CDH18: variants seen among roughly 807,000 people sequenced by gnomAD.
CDH18 encodes cadherin-18.
Under a neutral mutation model 67.9 loss-of-function variants are expected in CDH18, and 31 were observed. The observed-to-expected ratio is 0.46, with a 90% CI of 0.34 to 0.62. The LOEUF is 0.62. Ranked by LOEUF, CDH18 falls within the 20% of genes least tolerant of loss-of-function variation. The pLI is 0.01. For missense variants in CDH18, 890 were observed against 975.5 expected (o/e 0.91, Z 1.17); for synonymous variants, 362 against 347.2 (o/e 1.04, Z -0.48).
At chr5:19,772,770 T>C (rs1490822605) in intron 3 of CDH18, among the ~76,000 whole-genome samples, 1 of 152,182 alleles carries the variant, frequency 6.6e-6, no homozygotes, top group Non-Finnish European at 1.5e-5. Context: ...GAATGTAGAT[T>C]TGAACCACAG....
intron 2 of CDH18, among the ~76,000 whole-genome samples, chr5:19,894,488 T>A (rs979516567): frequency 1.3e-5 from 2 of 152,004 alleles, no homozygotes; most frequent in Non-Finnish European, 2.9e-5. Context: ...AATGTCTGGC[T>A]ACCTAAAAAA....
At chr5:20,208,841 C>T (rs1740123038) in intron 2 of CDH18, among the ~76,000 whole-genome samples, 1 of 151,816 alleles carries the variant, frequency 6.6e-6, no homozygotes, top group African/African-American at 2.4e-5. Context: ...GGACTAATAA[C>T]CAGAATATAT....
chr5:20,297,402 C>T (rs1374197141), intron 1 of CDH18, among the ~76,000 whole-genome samples: 1 of 152,232 alleles, frequency 6.6e-6, no homozygotes, highest in Non-Finnish European at 1.5e-5. Flanking sequence ...GCAAGTCTGA[C>T]ACCAAAGCAT....
At chr5:20,488,864 G>T (rs1052299082) in intron 1 of CDH18, among the ~76,000 whole-genome samples, 4 of 151,834 alleles carry the variant, frequency 2.6e-5, no homozygotes, top group Admixed American at 1.3e-4. Flanking sequence ...CCAACTATAT[G>T]CCAAAATAAT....
intron 1 of CDH18, among the ~76,000 whole-genome samples, chr5:20,555,939 C>A (rs10520867): frequency 6.6e-6 from 1 of 152,054 alleles, no homozygotes; most frequent in East Asian, 1.9e-4. Flanking sequence ...GCTTTTCAAA[C>A]GGTTCTTCCC....
chr5:19,567,610 A>G (rs1314635457), intron 8 of CDH18, among the ~76,000 whole-genome samples: 2 of 152,134 alleles, frequency 1.3e-5, no homozygotes, highest in African/African-American at 4.8e-5. Context: ...ATTTGCACCC[A>G]GAGGCCCATG....
chr5:19,522,928 G>A (rs888634540), intron 9 of CDH18, among the ~76,000 whole-genome samples: 3 of 145,798 alleles, frequency 2.1e-5, no homozygotes, highest in Middle Eastern at 3.6e-3. Context: ...GAGAGTTGCT[G>A]TACCATTTAT....
At chr5:20,430,961 C>G (rs1257718839) in intron 1 of CDH18, among the ~76,000 whole-genome samples, 2 of 152,054 alleles carry the variant, frequency 1.3e-5, no homozygotes, top group Non-Finnish European at 2.9e-5. Flanking sequence ...CAATACATTC[C>G]TGCATCTATT....
rs370325449 is a variant in CDH18, at chr5:19,574,167, C to G, written c.1000-2335G>C. On this transcript the variant is annotated intron_variant, in intron 7 of 12. Transcript: ENST00000382275. Reference sequence around the variant, plus strand: ...TCTGCATCCAAGATGACACACATCTCTTGTTCCATTTCTTAGCAGGTCCCC... The same window carrying G: ...TCTGCATCCAAGATGACACACATCTGTTGTTCCATTTCTTAGCAGGTCCCC... Among the ~76,000 whole-genome samples, 26 of 152,288 alleles carry G rather than the reference C, an allele frequency of 1.7e-4. No homozygotes were observed. The East Asian group carries it at 3.3e-3, about 19-fold the overall frequency.
At chr5:19,877,218 A>G (rs1366964744) in intron 2 of CDH18, among the ~76,000 whole-genome samples, 3 of 147,282 alleles carry the variant, frequency 2.0e-5, no homozygotes, top group African/African-American at 5.1e-5. Flanking sequence ...TTCAAACTGT[A>G]AAAAAAAAAC....
At chr5:20,191,578 G>A (rs926293913) in intron 2 of CDH18, among the ~76,000 whole-genome samples, 3 of 151,840 alleles carry the variant, frequency 2.0e-5, no homozygotes, top group African/African-American at 4.8e-5. Flanking sequence ...TGTTCTCAAC[G>A]TTCAACCCCC....
chr5:20,376,363 C>T (rs1455195206), intron 1 of CDH18, among the ~76,000 whole-genome samples: 3 of 151,440 alleles, frequency 2.0e-5, no homozygotes, highest in Admixed American at 2.0e-4. Context: ...GCTGGGATTA[C>T]AGGCGTGAGC....
At chr5:20,375,210 T>C (rs573463702) in intron 1 of CDH18, among the ~76,000 whole-genome samples, 2 of 152,192 alleles carry the variant, frequency 1.3e-5, no homozygotes, top group Non-Finnish European at 2.9e-5. Context: ...TTTCTTTTAA[T>C]ATGTGCTTTA....
At chr5:20,367,998 C>T (rs1449765515) in intron 1 of CDH18, among the ~76,000 whole-genome samples, 1 of 152,036 alleles carries the variant, frequency 6.6e-6, no homozygotes, top group Non-Finnish European at 1.5e-5. Flanking sequence ...AGGGTGAGGG[C>T]AAAGGTACTT....
intron 8 of CDH18, among the ~76,000 whole-genome samples, chr5:19,556,987 T>C (rs1738560920): frequency 6.6e-6 from 1 of 152,202 alleles, no homozygotes; most frequent in Admixed American, 6.5e-5. Flanking sequence ...ATCATTAACC[T>C]GCTTGAACAA....
intron 3 of CDH18, among the ~76,000 whole-genome samples, chr5:19,752,122 T>A (rs988271825): frequency 6.6e-6 from 1 of 152,014 alleles, no homozygotes; most frequent in Admixed American, 6.6e-5. Flanking sequence ...CCTGGAGCAG[T>A]GTGAATTTAG....
At chr5:20,364,399 A>G (rs1234561532) in intron 1 of CDH18, among the ~76,000 whole-genome samples, 1 of 152,226 alleles carries the variant, frequency 6.6e-6, no homozygotes, top group East Asian at 1.9e-4. Flanking sequence ...CAGGAGATAT[A>G]CTTTATATGT....
At chr5:19,954,850 A>AG (rs1040087773) in intron 2 of CDH18, among the ~76,000 whole-genome samples, 16 of 139,450 alleles carry the variant, frequency 1.1e-4, no homozygotes, top group African/African-American at 4.7e-4. Flanking sequence ...TAACAATCTC[A>AG]GGAAAAAAAA....
intron 12 of CDH18, among the ~76,000 whole-genome samples, chr5:19,477,494 TA>T (rs1462859424): frequency 6.6e-6 from 1 of 152,106 alleles, no homozygotes; most frequent in Non-Finnish European, 1.5e-5. Context: ...AATTTTAAGA[TA>T]TTTTTTAAAA....
Sources: gnomAD v4.1 joint callset for allele counts (sites outside exome capture counted in the v4.1 genomes callset) on GRCh38, gnomAD v4.1.1 for gene constraint, MANE v1.5 for transcripts, NCBI Gene and HGNC (gene_info 2026-07-23, HGNC 2026-07-21) for gene names.